STAP1: variants seen among roughly 807,000 people sequenced by gnomAD.
STAP1 encodes the protein signal transducing adaptor family member 1.
Under a neutral mutation model 37.8 loss-of-function variants are expected in STAP1, and 30 were observed. The observed-to-expected ratio is 0.79, with a 90% CI of 0.59 to 1.08. The LOEUF (loss-of-function observed/expected upper bound fraction) is 1.08. Ranked by LOEUF, STAP1 falls within the 50% of genes least tolerant of loss-of-function variation. STAP1 has a pLI of 0.00. For synonymous variants in STAP1, 130 were observed against 116.0 expected (o/e 1.12, Z -0.78); for missense variants, 357 against 349.4 (o/e 1.02, Z -0.17).
chr4:67,572,958 A>T (rs149539028), intron 2 of STAP1, among the ~76,000 whole-genome samples: 30 of 152,328 alleles, frequency 2.0e-4, no homozygotes, highest in African/African-American at 5.3e-4. Context: ...AAATTGTTCT[A>T]GTGAAATGTC....
At chr4:67,593,385 A>G (rs1214386795) in intron 8 of STAP1, 29 bp downstream of exon 8, 1 of 1,528,432 alleles carries the variant, frequency 6.5e-7, no homozygotes, top group Non-Finnish European at 9.0e-7. Context: ...TGCTATGTTA[A>G]GGGAAACAAA....
At chr4:67,596,085 T>C (rs1256023836) in intron 8 of STAP1, among the ~76,000 whole-genome samples, 1 of 152,172 alleles carries the variant, frequency 6.6e-6, no homozygotes, top group Admixed American at 6.5e-5. Context: ...CCCACCCGAA[T>C]CTCATCTCGA....
At chr4:67,601,185 C>G (rs1728334723) in intron 8 of STAP1, among the ~76,000 whole-genome samples, 1 of 152,014 alleles carries the variant, frequency 6.6e-6, no homozygotes, top group South Asian at 2.1e-4. Flanking sequence ...CATCTTATAA[C>G]CCATTATCTT....
chr4:67,591,855 G>C (rs1403746701), intron 7 of STAP1, among the ~76,000 whole-genome samples: 4 of 152,184 alleles, frequency 2.6e-5, no homozygotes, highest in Non-Finnish European at 4.4e-5. Flanking sequence ...TCAGTTATCA[G>C]ATCCATTCCT....
intron 3 of STAP1, among the ~76,000 whole-genome samples, chr4:67,576,380 C>G (rs1051477730): frequency 6.6e-6 from 1 of 151,146 alleles, no homozygotes; most frequent in Non-Finnish European, 1.5e-5. Context: ...TTTTTCGTTC[C>G]CTAATATAAA....
rs1727267186 is a variant in STAP1 at position 67,558,786 on chromosome 4, A to G, written c.-24A>G. 1 of 1,598,308 alleles carries G rather than the reference A, an allele frequency of 6.3e-7. No homozygotes were observed. The highest frequency in any genetic ancestry group is 8.5e-7 in the Non-Finnish European group (1 of 1,175,108). ...TTCATTTTGTTTGAGACGAGAAACCAAACCACACACCAAAGAGAGGGGTAT... is the reference window on the plus strand; with the variant it reads ...TTCATTTTGTTTGAGACGAGAAACCGAACCACACACCAAAGAGAGGGGTAT... On this transcript the variant is annotated 5_prime_UTR_variant, in exon 1 of 9. Coordinates refer to ENST00000265404, the MANE Select transcript of STAP1 (RefSeq NM_012108.4).
chr4:67,565,816 A>T (rs1378466953), intron 1 of STAP1, among the ~76,000 whole-genome samples: 1 of 151,268 alleles, frequency 6.6e-6, no homozygotes, highest in Non-Finnish European at 1.5e-5. Context: ...GTGTCTTTTG[A>T]TATATTCACA....
At chr4:67,602,987 C>T (rs1318917312) in intron 8 of STAP1, among the ~76,000 whole-genome samples, 1 of 152,150 alleles carries the variant, frequency 6.6e-6, no homozygotes, top group African/African-American at 2.4e-5. Context: ...CTCCTCCACA[C>T]CAGACCAGAG....
In STAP1 at chr4:67,581,468, C is replaced by T. The variant is rs778519535; in HGVS notation, c.527C>T (p.Pro176Leu). 1 of 1,604,192 alleles carries T rather than the reference C, an allele frequency of 6.2e-7. No homozygotes were observed. The highest frequency in any genetic ancestry group is 1.1e-5 in the South Asian group (1 of 88,852). ...EDYVDVLNPM[P>L]ACFYTVSRKE... ...TATGTGGATGTACTGAACCCTATGC[C>T]AGCGTAAGTGCACAATGAACTGCAG... Residue 176 changes from proline (P) to leucine (L), a missense_variant, in exon 5 of 9, where the codon CCA (proline) becomes CTA (leucine). Coordinates refer to ENST00000265404, the MANE Select transcript of STAP1 (RefSeq NM_012108.4).
intron 6 of STAP1, among the ~76,000 whole-genome samples, chr4:67,587,101 G>T (rs1167361363): frequency 6.6e-6 from 1 of 152,158 alleles, no homozygotes; most frequent in Non-Finnish European, 1.5e-5. Flanking sequence ...CATGTAACAG[G>T]TCACTTAAAG....
chr4:67,570,328 C>T (rs1414102646), intron 1 of STAP1, among the ~76,000 whole-genome samples: 1 of 152,134 alleles, frequency 6.6e-6, no homozygotes, highest in East Asian at 1.9e-4. Flanking sequence ...GCCAGCATCA[C>T]CACAAACACC....
chr4:67,571,047 C>T (rs1290326679), intron 1 of STAP1, 37 bp from the exon 2 acceptor site: 2 of 1,499,750 alleles, frequency 1.3e-6, no homozygotes, highest in Non-Finnish European at 1.9e-6. Flanking sequence ...GTTGAATATA[C>T]ACTAATGAAA....
chr4:67,590,549 T>A (rs1728096879), intron 6 of STAP1, among the ~76,000 whole-genome samples: 1 of 152,174 alleles, frequency 6.6e-6, no homozygotes. Context: ...TTTTATTATG[T>A]TGTTTACTTT....
chr4:67,593,511 G>A (rs2109873319), intron 8 of STAP1, among the ~76,000 whole-genome samples, 155 bp downstream of exon 8: 1 of 152,338 alleles, frequency 6.6e-6, no homozygotes, highest in Middle Eastern at 3.4e-3. Flanking sequence ...CACTCAGTCT[G>A]TGAAAATAGG....
intron 4 of STAP1, among the ~76,000 whole-genome samples, chr4:67,580,603 A>T (rs1170241241): frequency 6.6e-6 from 1 of 152,192 alleles, no homozygotes; most frequent in African/African-American, 2.4e-5. Flanking sequence ...ACGTACAAAA[A>T]ATATCTTACC....
At chr4:67,591,033 A>C (rs913012264) in intron 7 of STAP1, 80 bp downstream of exon 7, 64 of 1,022,302 alleles carry the variant, frequency 6.3e-5, no homozygotes, top group Admixed American at 1.1e-4. Flanking sequence ...AAAGCAGCCA[A>C]GTTAAGGAGC....
At chr4:67,591,301 T>C (rs1295425038) in intron 7 of STAP1, among the ~76,000 whole-genome samples, 2 of 152,212 alleles carry the variant, frequency 1.3e-5, no homozygotes. Flanking sequence ...CTAATACCTG[T>C]CTTGCTGAAG....
At position 67,575,643 on chromosome 4, in the gene STAP1, A is replaced by T. The variant is rs970133099; in HGVS notation, c.306+145A>T. 8 of 643,428 alleles carry T rather than the reference A, an allele frequency of 1.2e-5. No individual in the cohort carries two copies. In the East Asian group the frequency reaches 2.2e-4, roughly 18 times the overall value. 39.9% of individuals were successfully genotyped at this position (643,428 alleles called of 1,614,324 possible). A position where few individuals can be genotyped will look rare whatever the true frequency, so the allele number is the denominator to read the frequency against. On this transcript the variant is annotated intron_variant, in intron 3 of 8. Coordinates refer to ENST00000265404, the MANE Select transcript of STAP1 (RefSeq NM_012108.4). ...TTTTGCTTGCGTCTGGCCAAGACCT[A>T]GTTTTCTGAATTGGAATTTAAAAAG...
intron 8 of STAP1, among the ~76,000 whole-genome samples, chr4:67,601,684 T>A (rs1488441007): frequency 6.6e-6 from 1 of 152,220 alleles, no homozygotes; most frequent in Non-Finnish European, 1.5e-5. Context: ...TCCCCTGGCC[T>A]GTAAGGTTTC....
Sources: allele counts gnomAD v4.1 joint callset (sites outside exome capture counted in the v4.1 genomes callset), GRCh38; gene constraint gnomAD v4.1.1; transcripts MANE v1.5; gene names NCBI Gene and HGNC (gene_info 2026-07-23, HGNC 2026-07-21).